CHP1: variants seen among roughly 807,000 people sequenced by gnomAD.
CHP1 encodes calcineurin like EF-hand protein 1.
A neutral mutation model predicts 27.4 loss-of-function variants in CHP1; 11 were observed. The observed-to-expected ratio is 0.40, with a 90% confidence interval of 0.25 to 0.67. CHP1 has a LOEUF of 0.67. Ranked by LOEUF, CHP1 falls within the 30% of genes least tolerant of loss-of-function variation. The pLI, the probability that CHP1 is intolerant of heterozygous loss-of-function variation, is 0.38. For synonymous variants in CHP1, 89 were observed against 87.4 expected (o/e 1.02, Z -0.10); for missense variants, 169 against 251.3 (o/e 0.67, Z 2.22).
chr15:41,231,972 C>T (rs2047248115), intron 1 of CHP1, among the ~76,000 whole-genome samples: 1 of 152,000 alleles, frequency 6.6e-6, no homozygotes, highest in South Asian at 2.1e-4. Context: ...GAGACATGAC[C>T]CGATGCCTGG....
chr15:41,253,438 T>C (rs1034582375), intron 2 of CHP1, among the ~76,000 whole-genome samples: 8 of 149,132 alleles, frequency 5.4e-5, no homozygotes, highest in African/African-American at 2.0e-4. Context: ...TATTTATTTA[T>C]TTATTTATTT....
chr15:41,271,046 G>A (rs575306188), intron 5 of CHP1, among the ~76,000 whole-genome samples: 18 of 152,204 alleles, frequency 1.2e-4, no homozygotes, highest in African/African-American at 3.4e-4. Flanking sequence ...ACGAGGTCAG[G>A]AGATCGAGAC....
chr15:41,260,737 A>G (rs1417868620), intron 3 of CHP1, among the ~76,000 whole-genome samples: 1 of 151,942 alleles, frequency 6.6e-6, no homozygotes, highest in Admixed American at 6.6e-5. Flanking sequence ...ATGAGGGAAT[A>G]ATAAAATCAT....
chr15:41,262,539 A>C (rs919306836), intron 3 of CHP1, among the ~76,000 whole-genome samples: 45 of 152,168 alleles, frequency 3.0e-4, no homozygotes, highest in African/African-American at 9.9e-4. Flanking sequence ...TGGTTAAATC[A>C]TTTATAAAGT....
Position 41,270,570 on chromosome 15 carries a change from A to G in CHP1, c.363A>G (p.Leu121=), listed in dbSNP as rs1323580671. ...TTTCCCTTACAGTTGCTTTTCGACT[A>G]TATGATTTGGATAAAGATGAAAAGA... ...RSNKLHFAFR[L]YDLDKDEKIS... Residue 121 remains leucine, a synonymous_variant, in exon 5 of 7, where the codon CTA becomes CTG. Coordinates refer to ENST00000334660, the MANE Select transcript of CHP1 (RefSeq NM_007236.5). 2.4e-5 allele frequency: 38 copies of G among 1,613,718 alleles called. No homozygotes were observed. The highest frequency in any genetic ancestry group is 3.1e-5 in the Non-Finnish European group (36 of 1,179,768).
rs2047535700 is a variant in CHP1, at chr15:41,279,533, C to T, written c.*144C>T. 1.5e-6 allele frequency: 1 copy of T among 660,086 alleles called. No individual in the cohort carries two copies. Among genetic ancestry groups the T allele is most frequent in the Non-Finnish European group, 2.7e-6 (1 of 368,118 alleles). The allele number at this position is 660,086 out of a possible 1,614,324, so 40.9% of individuals were successfully genotyped here. Reference sequence around the variant, plus strand: ...CATGACAACCCCAAATATGTTCTGTCAACACAAACCTGCCTTTGGTGTATA... The same window carrying T: ...CATGACAACCCCAAATATGTTCTGTTAACACAAACCTGCCTTTGGTGTATA... On this transcript the variant is annotated 3_prime_UTR_variant, in exon 7 of 7. Coordinates refer to ENST00000334660, the MANE Select transcript of CHP1 (RefSeq NM_007236.5).
chr15:41,278,917 A>G, intron 6 of CHP1, 28 bp downstream of exon 6: 1 of 1,613,392 alleles, frequency 6.2e-7, no homozygotes, highest in Non-Finnish European at 8.5e-7. Flanking sequence ...TGTTTGAAAA[A>G]GTTACGTTTT....
At chr15:41,261,267 G>A (rs1003717399) in intron 3 of CHP1, among the ~76,000 whole-genome samples, 1 of 151,600 alleles carries the variant, frequency 6.6e-6, no homozygotes, top group African/African-American at 2.4e-5. Flanking sequence ...CGATTCTCCT[G>A]CCTCACCCTC....
At chr15:41,241,177 T>C (rs1394625771) in intron 1 of CHP1, among the ~76,000 whole-genome samples, 1 of 152,248 alleles carries the variant, frequency 6.6e-6, no homozygotes, top group Admixed American at 6.5e-5. Flanking sequence ...TTTAACTGAC[T>C]TATTTTTGTT....
intron 4 of CHP1, among the ~76,000 whole-genome samples, chr15:41,264,768 G>C (rs1014576157): frequency 6.6e-6 from 1 of 152,026 alleles, no homozygotes; most frequent in Non-Finnish European, 1.5e-5. Context: ...ACATACTTTA[G>C]TCTTGGCTGT....
chr15:41,251,617 A>G (rs1028808854), intron 2 of CHP1, among the ~76,000 whole-genome samples: 4 of 152,196 alleles, frequency 2.6e-5, no homozygotes, highest in Admixed American at 1.3e-4. Context: ...TCATAGGAAC[A>G]GAAACCCTAT....
At chr15:41,274,980 G>A (rs1050985176) in intron 5 of CHP1, among the ~76,000 whole-genome samples, 6 of 151,564 alleles carry the variant, frequency 4.0e-5, no homozygotes, top group South Asian at 4.2e-4. Flanking sequence ...TAGTCGAGAC[G>A]GGTTTCACCA....
At chr15:41,259,434 AGCAAGCTGCGACTCT>A (rs925178019) in intron 3 of CHP1, among the ~76,000 whole-genome samples, 6 of 151,974 alleles carry the variant, frequency 3.9e-5, no homozygotes, top group African/African-American at 1.4e-4. Flanking sequence ...CTTAGCTCTT[AGCAAGCTGCGACTCT>A]GCTTCTTGCT....
intron 2 of CHP1, among the ~76,000 whole-genome samples, chr15:41,244,207 A>AAC (rs1555419962): frequency 2.0e-5 from 3 of 151,592 alleles, no homozygotes; most frequent in African/African-American, 7.3e-5. Context: ...AAAAAAAAAA[A>AAC]AAAAAACAGC....
intron 6 of CHP1, 46 bp from the exon 7 acceptor site, chr15:41,279,290 T>G: frequency 6.9e-7 from 1 of 1,451,884 alleles, no homozygotes; most frequent in Non-Finnish European, 9.7e-7. Flanking sequence ...TTGGGAGTGT[T>G]GTAATCTTCA....
intron 5 of CHP1, among the ~76,000 whole-genome samples, chr15:41,273,902 C>A (rs1178078751): frequency 1.3e-5 from 2 of 151,494 alleles, no homozygotes; most frequent in African/African-American, 4.8e-5. Flanking sequence ...GATCATGCCA[C>A]TGCTCTCCAG....
chr15:41,254,663 G>C (rs928059435), intron 2 of CHP1, among the ~76,000 whole-genome samples: 1 of 152,212 alleles, frequency 6.6e-6, no homozygotes, highest in Non-Finnish European at 1.5e-5. Context: ...GATTGTTCCA[G>C]AGCTTTGTGT....
intron 1 of CHP1, among the ~76,000 whole-genome samples, chr15:41,233,547 C>T (rs1321958711): frequency 1.1e-4 from 16 of 152,120 alleles, no homozygotes; most frequent in Admixed American, 9.2e-4. Flanking sequence ...TGTATTGAGC[C>T]AGAATGCTTA....
chr15:41,263,053 G>A (rs534775217), intron 4 of CHP1, among the ~76,000 whole-genome samples, 170 bp downstream of exon 4: 30 of 151,996 alleles, frequency 2.0e-4, no homozygotes, highest in East Asian at 7.7e-4. Flanking sequence ...TTTTTTGGTC[G>A]TGTGACTTTG....
Sources: gnomAD v4.1 joint callset for allele counts (sites outside exome capture counted in the v4.1 genomes callset) on GRCh38, gnomAD v4.1.1 for gene constraint, MANE v1.5 for transcripts, NCBI Gene and HGNC (gene_info 2026-07-23, HGNC 2026-07-21) for gene names.